MACROD2: variants seen among roughly 807,000 people sequenced by gnomAD.
MACROD2 encodes mono-ADP ribosylhydrolase 2.
In MACROD2, 36 loss-of-function variants were observed where a neutral mutation model predicts 70.4. The ratio of observed to expected loss-of-function variants is 0.51; its 90% CI spans 0.39 to 0.68. The LOEUF is 0.68. MACROD2 is among the 30% of genes least tolerant of loss of function. The pLI is 0.00. For synonymous variants in MACROD2, 172 were observed against 178.8 expected, an observed-to-expected ratio of 0.96 and a Z score of 0.30; for missense variants, 496 against 538.4, an observed-to-expected ratio of 0.92 and a Z score of 0.78.
rs540884531 is a variant in MACROD2, at chr20:15,702,368, G to A, written c.646-160377G>A. Among the ~76,000 whole-genome samples, 13 of 152,288 alleles carry A rather than the reference G, an allele frequency of 8.5e-5. No individual in the cohort carries two copies. In the South Asian group the frequency reaches 2.7e-3, roughly 32 times the overall value. On this transcript the variant is annotated intron_variant, in intron 8 of 17. Transcript: ENST00000684519. ...TTTGTTAATGGTCATTCTGACTTGT[G>A]TGAGATGATATTTCATTGTGGTTTT...
In MACROD2 at chr20:14,862,715, AT is replaced by A. The variant is rs34596604; in HGVS notation, c.418+177765del. 5.8e-3 allele frequency among the ~76,000 whole-genome samples: 368 copies of A among 63,310 alleles called. 51 individuals carry two copies. Among genetic ancestry groups the A allele is most frequent in the African/African-American group, 0.024 (356 of 15,112 alleles). The allele number at this position is 63,310 out of a possible 152,430, so 41.5% of individuals were successfully genotyped here. On this transcript the variant is annotated intron_variant, in intron 5 of 17. Coordinates refer to ENST00000684519, the MANE Select transcript of MACROD2 (RefSeq NM_001351661.2). ...AATATATATAAATATATATATATAT[AT>A]TTTTTTTTAATAGAGAGGATGAAGA...
chr20:15,391,261 A>G (rs868464291), intron 6 of MACROD2, among the ~76,000 whole-genome samples: 2 of 152,250 alleles, frequency 1.3e-5, no homozygotes, highest in African/African-American at 2.4e-5. Flanking sequence ...CATCTGCTCG[A>G]TCAGTGCAAT....
At chr20:15,082,247 C>A (rs866612930) in intron 5 of MACROD2, among the ~76,000 whole-genome samples, 1 of 152,154 alleles carries the variant, frequency 6.6e-6, no homozygotes, top group Non-Finnish European at 1.5e-5. Context: ...AGATTTCTGA[C>A]TAAACCGTGT....
At chr20:15,636,093 G>A (rs200776438) in intron 8 of MACROD2, among the ~76,000 whole-genome samples, 2,957 of 61,936 alleles carry the variant, frequency 0.048, 1 homozygote, top group Middle Eastern at 0.073. Context: ...AAAAAAAAAA[G>A]AAAGAAAAGA....
chr20:15,521,308 G>A (rs6074911), intron 8 of MACROD2, among the ~76,000 whole-genome samples: 4,280 of 152,282 alleles, frequency 0.028, 91 homozygotes, highest in Non-Finnish European at 0.044. Context: ...ACATTCTAGA[G>A]ATGTAGAATT....
intron 4 of MACROD2, among the ~76,000 whole-genome samples, chr20:14,654,318 G>A (rs570008906): frequency 7.1e-4 from 108 of 151,504 alleles, no homozygotes; most frequent in South Asian, 2.5e-3. Flanking sequence ...AGGCTGAGGC[G>A]GATGGATCAC....
At chr20:15,172,943 T>C (rs1331975671) in intron 5 of MACROD2, among the ~76,000 whole-genome samples, 3 of 152,176 alleles carry the variant, frequency 2.0e-5, no homozygotes, top group Non-Finnish European at 4.4e-5. Flanking sequence ...TATGAATAAG[T>C]TTGCCCCCAT....
At chr20:15,488,864 C>A (rs899596368) in intron 7 of MACROD2, among the ~76,000 whole-genome samples, 5 of 152,318 alleles carry the variant, frequency 3.3e-5, no homozygotes, top group African/African-American at 4.8e-5. Flanking sequence ...TCTCAGAAGA[C>A]TTATCCAGGG....
intron 5 of MACROD2, among the ~76,000 whole-genome samples, chr20:14,812,505 G>A (rs1196156893): frequency 6.6e-6 from 1 of 151,770 alleles, no homozygotes. Flanking sequence ...ACCACCATGG[G>A]ACATGTATAC....
At chr20:14,425,799 T>A (rs973035832) in intron 3 of MACROD2, among the ~76,000 whole-genome samples, 3 of 152,204 alleles carry the variant, frequency 2.0e-5, no homozygotes, top group African/African-American at 7.2e-5. Flanking sequence ...CTGTGTCTCA[T>A]CTTCCTGTCT....
chr20:15,367,024 T>C (rs1011372185), intron 6 of MACROD2, among the ~76,000 whole-genome samples: 3 of 147,998 alleles, frequency 2.0e-5, no homozygotes, highest in African/African-American at 7.7e-5. Flanking sequence ...TTTTTTAAAA[T>C]TACTGATTTT....
At chr20:15,679,853 C>A (rs568828986) in intron 8 of MACROD2, among the ~76,000 whole-genome samples, 1 of 152,206 alleles carries the variant, frequency 6.6e-6, no homozygotes. Flanking sequence ...TGTGCATCAT[C>A]TGAATTCCAG....
chr20:14,490,317 G>A (rs1165516866), intron 3 of MACROD2, among the ~76,000 whole-genome samples: 1 of 152,144 alleles, frequency 6.6e-6, no homozygotes, highest in Non-Finnish European at 1.5e-5. Flanking sequence ...ATTAGCTTCA[G>A]ATAACCCTTT....
chr20:14,427,778 C>T (rs2083950198), intron 3 of MACROD2, among the ~76,000 whole-genome samples: 2 of 152,044 alleles, frequency 1.3e-5, no homozygotes, highest in African/African-American at 4.8e-5. Flanking sequence ...AATGGCAGAG[C>T]TGGAAGTGCT....
chr20:14,609,273 A>G (rs1349932161), intron 4 of MACROD2, among the ~76,000 whole-genome samples: 2 of 152,146 alleles, frequency 1.3e-5, no homozygotes, highest in Non-Finnish European at 2.9e-5. Flanking sequence ...AGAGGATTCA[A>G]AATACAAAAT....
intron 3 of MACROD2, among the ~76,000 whole-genome samples, chr20:14,402,114 A>G (rs2083643961): frequency 6.6e-6 from 1 of 152,130 alleles, no homozygotes; most frequent in Non-Finnish European, 1.5e-5. Flanking sequence ...TTATAAGTGT[A>G]TGTGTATGTG....
Position 15,771,356 on chromosome 20 carries a change from T to A in MACROD2, c.646-91389T>A, listed in dbSNP as rs189430729. Among the ~76,000 whole-genome samples, 722 of 149,358 alleles carry A rather than the reference T, an allele frequency of 4.8e-3. 6 individuals carry two copies. Among genetic ancestry groups the A allele is most frequent in the African/African-American group, 0.015 (606 of 39,136 alleles). Reference sequence around the variant, plus strand: ...CACCTGGCTAATTATTATTATTATTTTTTTTTTGTAAAGATGGGATTTTGC... The same window carrying A: ...CACCTGGCTAATTATTATTATTATTATTTTTTTGTAAAGATGGGATTTTGC... On this transcript the variant is annotated intron_variant, in intron 8 of 17. Transcript: ENST00000684519.
intron 5 of MACROD2, among the ~76,000 whole-genome samples, chr20:14,693,201 C>T (rs2071083202): frequency 6.6e-6 from 1 of 152,078 alleles, no homozygotes; most frequent in South Asian, 2.1e-4. Context: ...GGTAATCAGC[C>T]TTTGGATGTG....
intron 13 of MACROD2, among the ~76,000 whole-genome samples, chr20:15,969,255 A>G (rs1034654756): frequency 6.6e-6 from 1 of 152,142 alleles, no homozygotes; most frequent in African/African-American, 2.4e-5. Flanking sequence ...AAAGAGTGTT[A>G]CAGGCTTCAA....
Sources: gnomAD v4.1 joint callset for allele counts (sites outside exome capture counted in the v4.1 genomes callset) on GRCh38, gnomAD v4.1.1 for gene constraint, MANE v1.5 for transcripts, NCBI Gene and HGNC (gene_info 2026-07-23, HGNC 2026-07-21) for gene names.